SCD5: variants seen among roughly 807,000 people sequenced by gnomAD.
SCD5 encodes the protein acyl-CoA-desaturase 4.
SCD5 carries 20 observed loss-of-function variants against 30.4 expected under a neutral mutation model. The ratio of observed to expected loss-of-function variants is 0.66; its 90% CI spans 0.46 to 0.96. The LOEUF is 0.96. Ranked by LOEUF, SCD5 falls within the 40% of genes least tolerant of loss-of-function variation. The probability of loss-of-function intolerance (pLI) is 0.00; values close to 1 mark genes in which losing one functional copy is unlikely to be tolerated. For missense variants in SCD5, 381 were observed against 443.3 expected, an observed-to-expected ratio of 0.86 and a Z score of 1.26; for synonymous variants, 173 against 176.4, an observed-to-expected ratio of 0.98 and a Z score of 0.16.
intron 1 of SCD5, among the ~76,000 whole-genome samples, chr4:82,708,753 A>C (rs1720017784): frequency 6.6e-6 from 1 of 152,218 alleles, no homozygotes. Flanking sequence ...GTTAAAAAGC[A>C]AAAGTTAAAA....
chr4:82,644,740 G>GA (rs1256437457), intron 3 of SCD5, among the ~76,000 whole-genome samples: 1 of 152,174 alleles, frequency 6.6e-6, no homozygotes, highest in African/African-American at 2.4e-5. Context: ...ATAAAGCCAA[G>GA]AACTTAATTA....
At chr4:82,649,182 T>TGTAGGG (rs1727693579) in intron 3 of SCD5, among the ~76,000 whole-genome samples, 2 of 2,816 alleles carry the variant, frequency 7.1e-4, no homozygotes, top group African/African-American at 2.3e-3. Flanking sequence ...GTGAGAGGGG[T>TGTAGGG]GTGTGTGTGT....
intron 1 of SCD5, among the ~76,000 whole-genome samples, chr4:82,721,220 T>G (rs903481462): frequency 6.6e-6 from 1 of 152,124 alleles, no homozygotes; most frequent in Admixed American, 6.6e-5. Context: ...CTGCCCCGTT[T>G]CGCAGCTCCC....
chr4:82,748,471 A>T (rs747003017), intron 1 of SCD5, among the ~76,000 whole-genome samples: 22 of 152,170 alleles, frequency 1.4e-4, no homozygotes, highest in Non-Finnish European at 2.9e-4. Context: ...AGGAATTTAA[A>T]CGTTAAGTTT....
intron 3 of SCD5, among the ~76,000 whole-genome samples, chr4:82,668,037 C>T (rs1051451836): frequency 6.6e-6 from 1 of 152,202 alleles, no homozygotes; most frequent in Non-Finnish European, 1.5e-5. Context: ...AAATTCCTCA[C>T]TTCCCCACCA....
chr4:82,690,952 G>A (rs1237288460), intron 2 of SCD5, among the ~76,000 whole-genome samples: 1 of 152,234 alleles, frequency 6.6e-6, no homozygotes, highest in Non-Finnish European at 1.5e-5. Flanking sequence ...TTAGAGCTGT[G>A]AAGCCAATAA....
At chr4:82,700,593 C>T (rs1221540366) in intron 2 of SCD5, among the ~76,000 whole-genome samples, 1 of 151,832 alleles carries the variant, frequency 6.6e-6, no homozygotes, top group Non-Finnish European at 1.5e-5. Flanking sequence ...ATTCTGTACT[C>T]AGCAAAATTA....
intron 1 of SCD5, among the ~76,000 whole-genome samples, chr4:82,727,311 T>A (rs756207757): frequency 6.6e-6 from 1 of 152,214 alleles, no homozygotes; most frequent in Non-Finnish European, 1.5e-5. Context: ...TAGAACACTA[T>A]ACTAAGAGTA....
intron 2 of SCD5, chr4:82,698,084 T>C: frequency 2.2e-6 from 1 of 456,648 alleles, no homozygotes. Context: ...TGCTGCTGCC[T>C]GTTTACATGG....
chr4:82,715,652 G>A (rs1720210910), intron 1 of SCD5, among the ~76,000 whole-genome samples: 1 of 133,980 alleles, frequency 7.5e-6, no homozygotes, highest in African/African-American at 3.2e-5. Flanking sequence ...CAAGACAGGG[G>A]TCATAACTCT....
intron 1 of SCD5, among the ~76,000 whole-genome samples, chr4:82,743,375 G>T (rs991088686): frequency 1.3e-5 from 2 of 152,024 alleles, no homozygotes; most frequent in Non-Finnish European, 2.9e-5. Flanking sequence ...AATTAGTGGG[G>T]TATAGTGGCT....
chr4:82,798,242 C>T, intron 1 of SCD5, 64 bp downstream of exon 1: 1 of 1,279,888 alleles, frequency 7.8e-7, no homozygotes, highest in Non-Finnish European at 9.9e-7. Context: ...GAGCGGCGAC[C>T]TCGCGCGCCC....
chr4:82,758,602 CCAGAACACCCATTTCCTGCT>C (rs1721280113), intron 1 of SCD5, among the ~76,000 whole-genome samples: 2 of 152,082 alleles, frequency 1.3e-5, no homozygotes, highest in South Asian at 4.1e-4. Context: ...GTAATATGAC[CCAGAACACCCATTTCCTGCT>C]CAGAGACCCC....
Position 82,636,777 on chromosome 4 carries a change from G to T in SCD5, c.616C>A (p.Leu206Met). The T allele has an allele frequency of 6.2e-7, 1 of 1,614,234 alleles. No homozygotes were observed. Among genetic ancestry groups the T allele is most frequent in the Non-Finnish European group, 8.5e-7 (1 of 1,180,038 alleles). The change falls in exon 4 of 5, where the codon CTG becomes ATG. Residue 206 changes from leucine (L) to methionine (M), a missense_variant. Coordinates refer to ENST00000319540, the MANE Select transcript of SCD5 (RefSeq NM_001037582.3). ...TCTCCCCAGATGTACCAGGGCACCA[G>T]CGTGGGGACCACAAAGCACATGAGC... ...VVLMCFVVPT[L>M]VPWYIWGESL...
chr4:82,712,297 T>TACACATATATATATATATATACG (rs1560540874), intron 1 of SCD5, among the ~76,000 whole-genome samples: 1 of 33,764 alleles, frequency 3.0e-5, no homozygotes, highest in Non-Finnish European at 6.3e-5. Context: ...TATATATATA[T>TACACATATATATATATATATACG]TTTATTTTTA....
chr4:82,655,098 G>C (rs538107996), intron 3 of SCD5, among the ~76,000 whole-genome samples: 3 of 152,066 alleles, frequency 2.0e-5, no homozygotes, highest in African/African-American at 7.2e-5. Context: ...ATCCCCTTTG[G>C]TTCTTAATAT....
At chr4:82,654,214 C>T (rs560868192) in intron 3 of SCD5, among the ~76,000 whole-genome samples, 10 of 152,278 alleles carry the variant, frequency 6.6e-5, no homozygotes, top group African/African-American at 2.2e-4. Context: ...CACATTATCT[C>T]AGCACTAGGA....
intron 1 of SCD5, among the ~76,000 whole-genome samples, chr4:82,722,139 C>A (rs551869824): frequency 6.6e-6 from 1 of 152,348 alleles, no homozygotes; most frequent in South Asian, 2.1e-4. Flanking sequence ...GATGGTATGG[C>A]TGTCATATTC....
chr4:82,732,459 T>C (rs1028738565), intron 1 of SCD5, among the ~76,000 whole-genome samples: 4 of 152,232 alleles, frequency 2.6e-5, no homozygotes, highest in Non-Finnish European at 5.9e-5. Flanking sequence ...TTTCTGTGCA[T>C]ACTACGCATT....
Sources: gnomAD v4.1 joint callset for allele counts (sites outside exome capture counted in the v4.1 genomes callset) on GRCh38, gnomAD v4.1.1 for gene constraint, MANE v1.5 for transcripts, NCBI Gene and HGNC (gene_info 2026-07-23, HGNC 2026-07-21) for gene names.